PLEKHM3: variants seen among roughly 807,000 people sequenced by gnomAD.
The protein encoded by PLEKHM3 is pleckstrin homology domain-containing family M member 3.
PLEKHM3 carries 45 observed loss-of-function variants against 81.8 expected under a neutral mutation model. The ratio of observed to expected loss-of-function variants is 0.55; its 90% CI spans 0.43 to 0.71. PLEKHM3 has a LOEUF of 0.71. PLEKHM3 is among the 30% of genes least tolerant of loss of function. PLEKHM3 has a pLI of 0.00. For missense variants in PLEKHM3, 788 were observed against 924.3 expected, an observed-to-expected ratio of 0.85 and a Z score of 1.91; for synonymous variants, 352 against 356.4, an observed-to-expected ratio of 0.99 and a Z score of 0.14.
chr2:207,921,282 C>G (rs182587369), intron 5 of PLEKHM3, among the ~76,000 whole-genome samples: 2 of 152,108 alleles, frequency 1.3e-5, no homozygotes, highest in South Asian at 2.1e-4. Flanking sequence ...CTCTTGACCT[C>G]GCAATCTGCC....
chr2:208,011,449 G>C (rs917392415), intron 1 of PLEKHM3, among the ~76,000 whole-genome samples: 3 of 152,090 alleles, frequency 2.0e-5, no homozygotes, highest in African/African-American at 7.2e-5. Flanking sequence ...ATCAATTAAT[G>C]GCATTTACAG....
chr2:207,874,981 T>G (rs1314301985), intron 6 of PLEKHM3, among the ~76,000 whole-genome samples: 1 of 152,004 alleles, frequency 6.6e-6, no homozygotes, highest in Non-Finnish European at 1.5e-5. Flanking sequence ...GGGAAAAATA[T>G]TAGAAATTTA....
chr2:207,851,027 C>T (rs1241527776), intron 7 of PLEKHM3, among the ~76,000 whole-genome samples: 1 of 152,004 alleles, frequency 6.6e-6, no homozygotes, highest in African/African-American at 2.4e-5. Context: ...GTGGCACGCA[C>T]CTGTAATCCC....
At chr2:207,933,590 C>T (rs1050758870) in intron 4 of PLEKHM3, among the ~76,000 whole-genome samples, 7 of 152,056 alleles carry the variant, frequency 4.6e-5, no homozygotes, top group Non-Finnish European at 5.9e-5. Flanking sequence ...GTGAACAGAG[C>T]GACAGAGGGC....
At chr2:207,859,509 C>T (rs970912076) in intron 7 of PLEKHM3, among the ~76,000 whole-genome samples, 2 of 152,002 alleles carry the variant, frequency 1.3e-5, no homozygotes, top group Non-Finnish European at 2.9e-5. Flanking sequence ...ATCCATTCAT[C>T]AGTTGATAGA....
Position 207,995,210 on chromosome 2 carries a change from T to G in PLEKHM3, c.610+5820A>C, listed in dbSNP as rs548740104. 4.6e-5 allele frequency among the ~76,000 whole-genome samples: 7 copies of G among 152,348 alleles called. 1 individual carries two copies. The South Asian group carries it at 6.2e-4, about 14-fold the overall frequency. On this transcript the variant is annotated intron_variant, in intron 2 of 7. Coordinates refer to ENST00000427836, the MANE Select transcript of PLEKHM3 (RefSeq NM_001080475.3). ...CTGTGACCGGCTCTGTGTCCGAGTA[T>G]TTCAGTGAATAAGTTAAATGCAGGA...
At chr2:207,932,239 T>C (rs1689620839) in intron 4 of PLEKHM3, among the ~76,000 whole-genome samples, 1 of 152,200 alleles carries the variant, frequency 6.6e-6, no homozygotes, top group Non-Finnish European at 1.5e-5. Context: ...AATGTCATTG[T>C]CATCAGTAGA....
intron 6 of PLEKHM3, among the ~76,000 whole-genome samples, chr2:207,872,825 TCAAACAAACAAA>T (rs113370682): frequency 1.1e-4 from 16 of 152,148 alleles, no homozygotes; most frequent in East Asian, 5.8e-4. Context: ...AGACTCCGTC[TCAAACAAACAAA>T]CAAACAAACA....
chr2:207,981,709 T>A (rs1691530288), intron 2 of PLEKHM3, among the ~76,000 whole-genome samples: 1 of 152,188 alleles, frequency 6.6e-6, no homozygotes, highest in Non-Finnish European at 1.5e-5. Flanking sequence ...AAATCTAAAT[T>A]TTCATTAATT....
chr2:207,897,596 A>C (rs1210948686), intron 6 of PLEKHM3, among the ~76,000 whole-genome samples: 1 of 152,140 alleles, frequency 6.6e-6, no homozygotes. Flanking sequence ...TCGGCATTTG[A>C]ACATAGACAG....
intron 2 of PLEKHM3, among the ~76,000 whole-genome samples, chr2:207,998,694 A>G (rs1692197110): frequency 6.6e-6 from 1 of 152,226 alleles, no homozygotes; most frequent in Admixed American, 6.5e-5. Flanking sequence ...TCTGTTGAGC[A>G]CTCAAAGGAG....
At chr2:207,974,955 C>G (rs371068929) in intron 3 of PLEKHM3, among the ~76,000 whole-genome samples, 1 of 151,862 alleles carries the variant, frequency 6.6e-6, no homozygotes, top group South Asian at 2.1e-4. Context: ...CTCAGCCTCC[C>G]GAGTAGCTGG....
intron 4 of PLEKHM3, among the ~76,000 whole-genome samples, chr2:207,933,481 G>A (rs1689654414): frequency 6.6e-6 from 1 of 152,224 alleles, no homozygotes; most frequent in South Asian, 2.1e-4. Context: ...GAAAAATGAT[G>A]TATTGTACAA....
At chr2:207,990,178 A>C (rs968264069) in intron 2 of PLEKHM3, among the ~76,000 whole-genome samples, 1 of 152,134 alleles carries the variant, frequency 6.6e-6, no homozygotes, top group African/African-American at 2.4e-5. Flanking sequence ...CATATTTCTT[A>C]TTAAATACCC....
intron 6 of PLEKHM3, among the ~76,000 whole-genome samples, chr2:207,887,709 T>C (rs937452633): frequency 1.3e-5 from 2 of 152,172 alleles, no homozygotes; most frequent in Admixed American, 1.3e-4. Flanking sequence ...AAAAGACATA[T>C]ATTAACATAT....
At chr2:207,901,065 GTC>G (rs1296932485) in intron 6 of PLEKHM3, 1 of 583,210 alleles carries the variant, frequency 1.7e-6, no homozygotes, top group Non-Finnish European at 3.1e-6. Flanking sequence ...CGGTATTGTT[GTC>G]TCTACCTGAG....
At chr2:207,906,095 T>C (rs1322186646) in intron 6 of PLEKHM3, among the ~76,000 whole-genome samples, 2 of 152,232 alleles carry the variant, frequency 1.3e-5, no homozygotes, top group Non-Finnish European at 2.9e-5. Context: ...TTTGAAAGGC[T>C]CCCTCAAAGA....
chr2:207,915,999 TG>T (rs773498857), intron 5 of PLEKHM3, among the ~76,000 whole-genome samples: 2 of 152,208 alleles, frequency 1.3e-5, no homozygotes, highest in Non-Finnish European at 2.9e-5. Context: ...TACATTAGGC[TG>T]GACGTGGACA....
chr2:207,832,249 A>G lies in PLEKHM3; in HGVS notation c.2109-3753T>C, dbSNP rs2092292632. The stretch of plus-strand genomic sequence containing the variant: ...ACCCAGCAGGTATCTTTTAAACTGT[A>G]GTATGGATAGATTGATCAATGACTT... On this transcript the variant is annotated intron_variant, in intron 7 of 7. Transcript: ENST00000427836. Among the ~76,000 whole-genome samples, 3 of 152,182 alleles carry G rather than the reference A, an allele frequency of 2.0e-5. No individual in the cohort carries two copies. The South Asian group carries it at 6.2e-4, about 32-fold the overall frequency.
Sources: allele counts gnomAD v4.1 joint callset (sites outside exome capture counted in the v4.1 genomes callset), GRCh38; gene constraint gnomAD v4.1.1; transcripts MANE v1.5; gene names NCBI Gene and HGNC (gene_info 2026-07-23, HGNC 2026-07-21).